Variants in HOMER1 observed in about 807,000 individuals in gnomAD.
The protein encoded by HOMER1 is homer scaffold protein 1.
A neutral mutation model predicts 48.9 loss-of-function variants in HOMER1; 3 were observed. That is an observed-to-expected ratio of 0.06 (90% CI 0.03 to 0.16). HOMER1 has a LOEUF of 0.16. HOMER1 is among the 10% of genes least tolerant of loss of function. The probability of loss-of-function intolerance (pLI) is 1.00; values close to 1 mark genes in which losing one functional copy is unlikely to be tolerated. For synonymous variants in HOMER1, 134 were observed against 146.4 expected (o/e 0.92, Z 0.61); for missense variants, 247 against 411.4 (o/e 0.60, Z 3.46).
At chr5:79,406,750 G>C (rs566613309) in intron 5 of HOMER1, among the ~76,000 whole-genome samples, 1 of 152,348 alleles carries the variant, frequency 6.6e-6, no homozygotes, top group Admixed American at 6.5e-5. Context: ...GAGAGGAACA[G>C]AAAATAGTCC....
rs1561359699 is a variant in HOMER1 at position 79,427,709 on chromosome 5, T to TTCCTTCCTTTCCTTCCCTTCC, written c.527+11300_527+11301insGGAAGGGAAGGAAAGGAAGGA. ...TCCCTTCCTTCCTTTCCTTCCTTCC[T>TTCCTTCCTTTCCTTCCCTTCC]TTCCTTCCCTTCCTTCCTTCCCTTC... On this transcript the variant is annotated intron_variant, in intron 5 of 8. Transcript: ENST00000334082. 2.5e-5 allele frequency among the ~76,000 whole-genome samples: 3 copies of TTCCTTCCTTTCCTTCCCTTCC among 121,238 alleles called. 1 individual carries two copies. The highest frequency in any genetic ancestry group is 1.1e-4 in the African/African-American group (3 of 27,956). The allele number at this position is 121,238 out of a possible 152,430, so 79.5% of individuals were successfully genotyped here.
At chr5:79,460,447 C>A (rs998805975) in intron 1 of HOMER1, among the ~76,000 whole-genome samples, 3 of 152,042 alleles carry the variant, frequency 2.0e-5, no homozygotes, top group Admixed American at 1.3e-4. Flanking sequence ...CAAAATTTGG[C>A]AGCAATAAAA....
chr5:79,470,359 T>C (rs986774141), intron 1 of HOMER1, among the ~76,000 whole-genome samples: 9 of 152,356 alleles, frequency 5.9e-5, no homozygotes, highest in South Asian at 2.1e-4. Context: ...CGTATTTATA[T>C]ATGCTTGTCA....
chr5:79,436,145 TAAATAA>T (rs1750578243), intron 5 of HOMER1, among the ~76,000 whole-genome samples: 3 of 148,134 alleles, frequency 2.0e-5, no homozygotes, highest in African/African-American at 7.4e-5. Flanking sequence ...AAAAAATAAA[TAAATAA>T]AAATAAATAA....
At chr5:79,508,548 G>A (rs1429354180) in intron 1 of HOMER1, among the ~76,000 whole-genome samples, 1 of 152,186 alleles carries the variant, frequency 6.6e-6, no homozygotes, top group Non-Finnish European at 1.5e-5. Flanking sequence ...AAGGGAGCTA[G>A]CTCAAGCAAA....
chr5:79,398,308 TACACAC>T lies in HOMER1; in HGVS notation c.685-677_685-672del, dbSNP rs139315456. ...AGCAATAGACAGAAGTCAATATAAA[TACACAC>T]ACACACACACACACACATGCACACA... On this transcript the variant is annotated intron_variant, in intron 6 of 8. Transcript: ENST00000334082. Among the ~76,000 whole-genome samples the T allele has an allele frequency of 4.7e-5, 7 of 149,568 alleles. No individual in the cohort carries two copies. The East Asian group carries it at 1.2e-3, about 25-fold the overall frequency.
At chr5:79,378,722 C>T (rs1270800338) in intron 8 of HOMER1, among the ~76,000 whole-genome samples, 1 of 152,084 alleles carries the variant, frequency 6.6e-6, no homozygotes, top group African/African-American at 2.4e-5. Context: ...CTTCACCAGG[C>T]ACCACCCAGT....
intron 1 of HOMER1, among the ~76,000 whole-genome samples, chr5:79,474,343 G>A (rs1006261162): frequency 2.0e-5 from 3 of 147,104 alleles, no homozygotes; most frequent in African/African-American, 7.7e-5. Context: ...ATGAGCTACT[G>A]CTCCTGGCCT....
At chr5:79,432,898 T>G (rs537216230) in intron 5 of HOMER1, among the ~76,000 whole-genome samples, 1 of 152,228 alleles carries the variant, frequency 6.6e-6, no homozygotes, top group Non-Finnish European at 1.5e-5. Context: ...CAAATATTCC[T>G]TGCCTTCAAA....
At chr5:79,381,388 G>C (rs1748970474) in intron 8 of HOMER1, among the ~76,000 whole-genome samples, 1 of 152,214 alleles carries the variant, frequency 6.6e-6, no homozygotes, top group Non-Finnish European at 1.5e-5. Context: ...AAAGTTGGCA[G>C]AAGTGACTGT....
At chr5:79,500,963 GAC>G (rs140189642) in intron 1 of HOMER1, among the ~76,000 whole-genome samples, 11,057 of 100,996 alleles carry the variant, frequency 0.11, 896 homozygotes, top group East Asian at 0.28. Context: ...GAGACAGACA[GAC>G]ACACACACAC....
chr5:79,402,150 C>A, intron 5 of HOMER1, 95 bp from the exon 6 acceptor site: 2 of 984,700 alleles, frequency 2.0e-6, no homozygotes, highest in Non-Finnish European at 2.9e-6. Flanking sequence ...GGTTTATAGT[C>A]TAAGAATGTT....
At chr5:79,509,522 G>C (rs917621860) in intron 1 of HOMER1, among the ~76,000 whole-genome samples, 1 of 152,110 alleles carries the variant, frequency 6.6e-6, no homozygotes, top group African/African-American at 2.4e-5. Context: ...CCTAACAGGG[G>C]CTCCTCACTG....
intron 1 of HOMER1, among the ~76,000 whole-genome samples, chr5:79,477,838 T>C (rs1412406931): frequency 6.6e-6 from 1 of 151,402 alleles, no homozygotes; most frequent in African/African-American, 2.4e-5. Context: ...GAGTTGTAAG[T>C]ATGCTTCACA....
chr5:79,510,986 T>C (rs1041982815), intron 1 of HOMER1: 4 of 426,960 alleles, frequency 9.4e-6, no homozygotes, highest in African/African-American at 4.0e-5. Flanking sequence ...GGGGTCCTCC[T>C]GTGCTATTTG....
intron 5 of HOMER1, among the ~76,000 whole-genome samples, chr5:79,406,296 T>C (rs952556477): frequency 1.3e-5 from 2 of 152,234 alleles, no homozygotes; most frequent in Non-Finnish European, 2.9e-5. Context: ...TGAAATATAC[T>C]ATACGTTAAT....
At chr5:79,388,218 A>C (rs1749164856) in intron 8 of HOMER1, among the ~76,000 whole-genome samples, 2 of 152,216 alleles carry the variant, frequency 1.3e-5, no homozygotes, top group African/African-American at 4.8e-5. Context: ...CAGTTCCAAA[A>C]AGCAGAAGAT....
At chr5:79,430,306 T>C (rs532502598) in intron 5 of HOMER1, among the ~76,000 whole-genome samples, 15 of 152,140 alleles carry the variant, frequency 9.9e-5, no homozygotes, top group East Asian at 3.9e-4. Context: ...GAAATACAAA[T>C]GAAAGCCACA....
At chr5:79,439,594 G>C (rs1159281591) in intron 4 of HOMER1, among the ~76,000 whole-genome samples, 1 of 152,086 alleles carries the variant, frequency 6.6e-6, no homozygotes, top group Non-Finnish European at 1.5e-5. Context: ...TGGATGAGGA[G>C]AGGGGGAGGG....
Sources: gnomAD v4.1 joint callset for allele counts (sites outside exome capture counted in the v4.1 genomes callset) on GRCh38, gnomAD v4.1.1 for gene constraint, MANE v1.5 for transcripts, NCBI Gene and HGNC (gene_info 2026-07-23, HGNC 2026-07-21) for gene names.